LAMB3: variants seen among roughly 807,000 people sequenced by gnomAD.
LAMB3 encodes the protein laminin subunit beta-3.
A neutral mutation model predicts 140.3 loss-of-function variants in LAMB3; 104 were observed. That is an observed-to-expected ratio of 0.74 (90% CI 0.63 to 0.87). The LOEUF (loss-of-function observed/expected upper bound fraction) is 0.87. Ranked by LOEUF, LAMB3 falls within the 40% of genes least tolerant of loss-of-function variation. The probability of loss-of-function intolerance (pLI) is 0.00; values close to 1 mark genes in which losing one functional copy is unlikely to be tolerated. For synonymous variants in LAMB3, 592 were observed against 602.9 expected (o/e 0.98, Z 0.26); for missense variants, 1,531 against 1,575.2 (o/e 0.97, Z 0.47).
At chr1:209,620,893 T>C (rs1666164733) in intron 18 of LAMB3, among the ~76,000 whole-genome samples, 1 of 152,170 alleles carries the variant, frequency 6.6e-6, no homozygotes, top group Non-Finnish European at 1.5e-5. Flanking sequence ...ACTGTGACCC[T>C]ATATCGGACA....
In LAMB3 at chr1:209,634,588, C is replaced by CT. The variant is rs1455026782; in HGVS notation, c.422dup (p.Thr142AspfsTer40). The CT allele has an allele frequency of 6.2e-7, 1 of 1,613,990 alleles. No individual in the cohort carries two copies. Among genetic ancestry groups the CT allele is most frequent in the Non-Finnish European group, 8.5e-7 (1 of 1,180,042 alleles). On this transcript the variant is annotated frameshift_variant, in exon 6 of 23. Transcript: ENST00000356082. LOFTEE classifies it high-confidence loss of function. ...CCAGGTACTGGTACACTCGCCAGGT[C>CT]TTACCGAAGTCTGAGGAGCGCTCAA...
intron 6 of LAMB3, 83 bp from the exon 7 acceptor site, chr1:209,633,216 T>C (rs1666761902): frequency 5.0e-6 from 5 of 995,310 alleles, no homozygotes; most frequent in Admixed American, 1.7e-5. Flanking sequence ...CTTTCCATTA[T>C]ATGCCTCACA....
intron 3 of LAMB3, among the ~76,000 whole-genome samples, chr1:209,641,292 A>C (rs2076467118): frequency 1.3e-5 from 2 of 152,150 alleles, no homozygotes; most frequent in Non-Finnish European, 2.9e-5. Context: ...AAGCATCAGT[A>C]GTAAGTGGTG....
rs1666505656 is a variant in LAMB3 at position 209,627,405 on chromosome 1, G to T, written c.1463C>A (p.Ser488Tyr). Reference sequence around the variant, plus strand: ...TACCTGGTTGCACTGTGGGCTGAGGGAGTTGTGCGGGTCGCAGGCACACGG... The same window carrying T: ...TACCTGGTTGCACTGTGGGCTGAGGTAGTTGTGCGGGTCGCAGGCACACGG... ...CEPCACDPHN[S>Y]LSPQCNQFTG... Residue 488 changes from serine (S) to tyrosine (Y), a missense_variant, in exon 12 of 23, where the codon TCC becomes TAC. Coordinates refer to ENST00000356082, the MANE Select transcript of LAMB3 (RefSeq NM_000228.3). 6.2e-7 allele frequency: 1 copy of T among 1,613,664 alleles called. No individual in the cohort carries two copies.
rs1255640509 is a variant in LAMB3, at chr1:209,618,579, C to T, written c.2782G>A (p.Val928Ile). The change falls in exon 19 of 23, where the codon GTT becomes ATT. Residue 928 changes from valine (V) to isoleucine (I), a missense_variant. Coordinates refer to ENST00000356082, the MANE Select transcript of LAMB3 (RefSeq NM_000228.3). The part of the protein sequence containing the change: ...ALWLPTDSAT[V>I]LQKMNEIQAI... ...TGGATCTCATTCATCTTCTGCAGAA[C>T]AGTAGCTGAGTCTGTGGGCAGCCAC... is the stretch of plus-strand genomic sequence containing the variant. 1.1e-5 allele frequency: 18 copies of T among 1,614,266 alleles called. No individual in the cohort carries two copies. The highest frequency in any genetic ancestry group is 1.5e-5 in the Non-Finnish European group (18 of 1,180,044).
At chr1:209,635,466 G>A (rs1189598303) in intron 5 of LAMB3, among the ~76,000 whole-genome samples, 1 of 152,124 alleles carries the variant, frequency 6.6e-6, no homozygotes, top group Non-Finnish European at 1.5e-5. Context: ...GCAGTGGTAC[G>A]ATCTTGGCTC....
At chr1:209,651,850 GAGGGCTGGGGGCTTGGCAAGGC>G (rs917929235) in intron 1 of LAMB3, among the ~76,000 whole-genome samples, 1 of 150,706 alleles carries the variant, frequency 6.6e-6, no homozygotes, top group African/African-American at 2.4e-5. Context: ...GGCTGGGGTG[GAGGGCTGGGGGCTTGGCAAGGC>G]AGGGGCGGGG....
chr1:209,637,219 G>A (rs571324154), intron 5 of LAMB3, among the ~76,000 whole-genome samples: 1 of 152,168 alleles, frequency 6.6e-6, no homozygotes, highest in East Asian at 1.9e-4. Flanking sequence ...AAGAAATTAG[G>A]TCCTATTACT....
Position 209,632,575 on chromosome 1 carries a change from G to C in LAMB3, c.822+8C>G, listed in dbSNP as rs768195904. On this transcript the variant is annotated splice_region_variant and intron_variant, in intron 8 of 22. Coordinates refer to ENST00000356082, the MANE Select transcript of LAMB3 (RefSeq NM_000228.3). Reference sequence around the variant, plus strand: ...CCTTCCTCTCCCCTTCCCACCCTAGGCTGTTACCTGCACAGCGGTGGAGGG... The same window carrying C: ...CCTTCCTCTCCCCTTCCCACCCTAGCCTGTTACCTGCACAGCGGTGGAGGG... 2 of 1,612,614 alleles carry C rather than the reference G, an allele frequency of 1.2e-6. No homozygotes were observed. Among genetic ancestry groups the C allele is most frequent in the South Asian group, 2.2e-5 (2 of 91,032 alleles).
intron 6 of LAMB3, 106 bp downstream of exon 6, chr1:209,634,341 T>G: frequency 6.0e-6 from 7 of 1,161,006 alleles, no homozygotes; most frequent in African/African-American, 1.5e-5. Flanking sequence ...CAAGGGGAGC[T>G]GGCGAGGGTG....
intron 10 of LAMB3, among the ~76,000 whole-genome samples, chr1:209,629,205 C>G (rs1329929515): frequency 6.6e-6 from 1 of 152,206 alleles, no homozygotes; most frequent in Admixed American, 6.5e-5. Flanking sequence ...TAAGCTGCCT[C>G]TGCCTGTTGC....
intron 18 of LAMB3, among the ~76,000 whole-genome samples, chr1:209,621,647 T>A (rs1242068559): frequency 2.6e-5 from 4 of 152,202 alleles, no homozygotes; most frequent in Admixed American, 1.3e-4. Flanking sequence ...AATAAACTTG[T>A]GAAATACTAC....
At chr1:209,646,007 A>G (rs978855921) in intron 3 of LAMB3, among the ~76,000 whole-genome samples, 4 of 152,220 alleles carry the variant, frequency 2.6e-5, no homozygotes, top group African/African-American at 9.7e-5. Context: ...TGTTTCCAAG[A>G]GATAAAAATG....
At position 209,630,853 on chromosome 1, in the gene LAMB3, C is replaced by A. The variant is rs1159500850; in HGVS notation, c.823-118G>T. Reference sequence around the variant, plus strand: ...CTCAGGATCTGGCTTAGATCCCAACCCTTCCAGGAAGCTTCCTCTGAATGC... The same window carrying A: ...CTCAGGATCTGGCTTAGATCCCAACACTTCCAGGAAGCTTCCTCTGAATGC... On this transcript the variant is annotated intron_variant, in intron 8 of 22. Coordinates refer to ENST00000356082, the MANE Select transcript of LAMB3 (RefSeq NM_000228.3). 3 of 1,193,730 alleles carry A rather than the reference C, an allele frequency of 2.5e-6. No individual in the cohort carries two copies. The Admixed American group carries it at 5.8e-5, about 23-fold the overall frequency. 73.9% of individuals were successfully genotyped at this position (1,193,730 alleles called of 1,614,324 possible).
intron 18 of LAMB3, 28 bp from the exon 19 acceptor site, chr1:209,618,687 G>A (rs1435718847): frequency 6.2e-7 from 1 of 1,607,058 alleles, no homozygotes; most frequent in African/African-American, 1.3e-5. Flanking sequence ...TTTGACTGTA[G>A]GAGCCCACTA....
Position 209,626,916 on chromosome 1 carries a change from G to T in LAMB3, c.1548C>A (p.Ile516=). 2 of 1,613,898 alleles carry T rather than the reference G, an allele frequency of 1.2e-6. No homozygotes were observed. Among genetic ancestry groups the T allele is most frequent in the Non-Finnish European group, 1.7e-6 (2 of 1,179,964 alleles). ...FGGLMCSAAA[I]RQCPDRTYGD... is the part of the protein sequence containing the mutation. ...CATAGGTCCGGTCTGGACACTGGCG[G>T]ATGGCTGCAGCGCTGCACATCAGGC... Residue 516 remains isoleucine, a synonymous_variant, in exon 13 of 23, where the codon ATC becomes ATA. Coordinates refer to ENST00000356082, the MANE Select transcript of LAMB3 (RefSeq NM_000228.3).
intron 3 of LAMB3, among the ~76,000 whole-genome samples, chr1:209,645,944 C>T (rs372548116): frequency 6.6e-6 from 1 of 152,240 alleles, no homozygotes; most frequent in African/African-American, 2.4e-5. Context: ...CATGCATGTG[C>T]GCCTGCGCGT....
At position 209,641,463 on chromosome 1, in the gene LAMB3, G is replaced by A. The variant is rs1032482585; in HGVS notation, c.184-2815C>T. ...ACTTTGCTATTGACTGATCCCCAAC[G>A]TTAGCATCAGAAAGGGTCCCTCTCC... On this transcript the variant is annotated intron_variant, in intron 3 of 22. Coordinates refer to ENST00000356082, the MANE Select transcript of LAMB3 (RefSeq NM_000228.3). Among the ~76,000 whole-genome samples the A allele has an allele frequency of 2.4e-4, 36 of 152,226 alleles. 1 individual carries two copies. The highest frequency in any genetic ancestry group is 2.2e-3 in the Admixed American group (33 of 15,282).
At position 209,618,501 on chromosome 1, in the gene LAMB3, G is replaced by C; in HGVS notation, c.2860C>G (p.Gln954Glu). Residue 954 changes from glutamine (Q) to glutamate (E), a missense_variant, in exon 19 of 23, where the codon CAG (glutamine) becomes GAG (glutamate). Gln to Glu is a conservative substitution (Grantham distance 29). Transcript: ENST00000356082. ...AACCGGCGGGCACGCGCAATGTCCTGCTTGGTCTGGGACAGCACCAAGTCC... is the reference window on the plus strand; with the variant it reads ...AACCGGCGGGCACGCGCAATGTCCTCCTTGGTCTGGGACAGCACCAAGTCC... ...NVDLVLSQTK[Q>E]DIARARRLQA... is the part of the protein sequence containing the mutation. 6.2e-7 allele frequency: 1 copy of C among 1,614,244 alleles called. No homozygotes were observed. The highest frequency in any genetic ancestry group is 8.5e-7 in the Non-Finnish European group (1 of 1,180,056).
Sources: allele counts gnomAD v4.1 joint callset (sites outside exome capture counted in the v4.1 genomes callset), GRCh38; gene constraint gnomAD v4.1.1; transcripts MANE v1.5; gene names NCBI Gene and HGNC (gene_info 2026-07-23, HGNC 2026-07-21).